Variants in GLIPR2 observed in about 807,000 individuals in gnomAD.
GLIPR2 encodes the protein GLI pathogenesis related 2.
In GLIPR2, 21 loss-of-function variants were observed where a neutral mutation model predicts 20.4. The observed-to-expected ratio is 1.03, with a 90% CI of 0.73 to 1.48. The LOEUF is 1.48. GLIPR2 is among the 40% of genes most tolerant of loss of function. GLIPR2 has a pLI of 0.00. For synonymous variants in GLIPR2, 91 were observed against 80.5 expected, an observed-to-expected ratio of 1.13 and a Z score of -0.70; for missense variants, 205 against 200.1, an observed-to-expected ratio of 1.02 and a Z score of -0.15.
At chr9:36,160,064 G>A (rs1157404369) in intron 4 of GLIPR2, among the ~76,000 whole-genome samples, 1 of 152,192 alleles carries the variant, frequency 6.6e-6, no homozygotes, top group Non-Finnish European at 1.5e-5. Flanking sequence ...GTCATCAGAA[G>A]GGTGTCTTGG....
At chr9:36,139,636 CT>C (rs1402495731) in intron 1 of GLIPR2, among the ~76,000 whole-genome samples, 1 of 152,194 alleles carries the variant, frequency 6.6e-6, no homozygotes, top group Admixed American at 6.5e-5. Context: ...GTCCCTGCCC[CT>C]TCTGGGCCTC....
rs1824845160 is a variant in GLIPR2, at chr9:36,136,917, C to G, written c.13+126C>G. ...GGGAGCCCGGGGTGCGGGTGGAGGG[C>G]GCGCGGGCGGAGCGCCCCGGCGCGG... On this transcript the variant is annotated intron_variant, in intron 1 of 4. Coordinates refer to ENST00000377960, the MANE Select transcript of GLIPR2 (RefSeq NM_022343.4). The surrounding 1 kb of genome is among the most constrained non-coding windows in gnomAD (Gnocchi z 4.3). The G allele has an allele frequency of 4.4e-6, 5 of 1,123,698 alleles. No individual in the cohort carries two copies. In the South Asian group the frequency reaches 2.2e-4, roughly 49 times the overall value. 69.6% of individuals were successfully genotyped at this position (1,123,698 alleles called of 1,614,324 possible).
At chr9:36,147,507 C>T (rs1825380099) in intron 1 of GLIPR2, among the ~76,000 whole-genome samples, 2 of 152,232 alleles carry the variant, frequency 1.3e-5, no homozygotes, top group African/African-American at 4.8e-5. Flanking sequence ...TCAGTGGCTT[C>T]CCATTGCCTT....
At chr9:36,156,385 TAAAAAAAA>T (rs58467311) in intron 4 of GLIPR2, among the ~76,000 whole-genome samples, 17 of 77,744 alleles carry the variant, frequency 2.2e-4, no homozygotes, top group East Asian at 4.5e-4. Flanking sequence ...AAGCCATGTC[TAAAAAAAA>T]AAAAAAAAAA....
At chr9:36,148,264 T>TG (rs1328635354) in intron 2 of GLIPR2, among the ~76,000 whole-genome samples, 1 of 149,208 alleles carries the variant, frequency 6.7e-6, no homozygotes, top group African/African-American at 2.5e-5. Flanking sequence ...AAAAAAACGT[T>TG]GGGGGGCCCT....
chr9:36,159,112 T>C (rs1260287357), intron 4 of GLIPR2, among the ~76,000 whole-genome samples: 1 of 152,150 alleles, frequency 6.6e-6, no homozygotes, highest in African/African-American at 2.4e-5. Context: ...CATTACAGCA[T>C]CAACTCTTTG....
chr9:36,142,926 G>A (rs1341282545), intron 1 of GLIPR2, among the ~76,000 whole-genome samples: 2 of 151,880 alleles, frequency 1.3e-5, no homozygotes, highest in African/African-American at 4.8e-5. Flanking sequence ...GGAGTGGGGA[G>A]AGAGGACTCC....
chr9:36,136,703 G>T (rs1048231969), upstream of GLIPR2: 3 of 1,078,936 alleles, frequency 2.8e-6, no homozygotes, highest in African/African-American at 4.9e-5. This position sits in a 1 kb window ranked among gnomAD's most constrained non-coding sequence, Gnocchi z 4.3. Context: ...CCCGGTCCTG[G>T]GCTCTGGGGC....
chr9:36,154,413 C>T (rs975933522), intron 4 of GLIPR2, among the ~76,000 whole-genome samples: 2 of 152,132 alleles, frequency 1.3e-5, no homozygotes, highest in East Asian at 1.9e-4. Flanking sequence ...CTTTTCCGCA[C>T]GCTGGTGTCA....
intron 4 of GLIPR2, among the ~76,000 whole-genome samples, chr9:36,153,727 C>G (rs993655748): frequency 6.6e-6 from 1 of 151,918 alleles, no homozygotes; most frequent in African/African-American, 2.4e-5. Context: ...ATGGTGAAAC[C>G]CCGTCTCTAC....
intron 4 of GLIPR2, among the ~76,000 whole-genome samples, chr9:36,154,100 T>TCC (rs1210694474): frequency 2.6e-5 from 3 of 113,470 alleles, no homozygotes; most frequent in South Asian, 2.9e-4. Flanking sequence ...TATATATCTT[T>TCC]TCCCCCCCCC....
At chr9:36,157,078 G>A (rs1024041031) in intron 4 of GLIPR2, among the ~76,000 whole-genome samples, 74 of 151,818 alleles carry the variant, frequency 4.9e-4, no homozygotes, top group African/African-American at 1.2e-3. Context: ...GTGCAATGGC[G>A]TGATCTTGGC....
At chr9:36,141,932 C>T (rs1825107507) in intron 1 of GLIPR2, 1 of 452,638 alleles carries the variant, frequency 2.2e-6, no homozygotes, top group Non-Finnish European at 4.4e-6. Flanking sequence ...GACACCTATA[C>T]CCTCCACCCC....
chr9:36,148,666 A>G lies in GLIPR2; in HGVS notation c.226+16A>G. 6.5e-7 allele frequency: 1 copy of G among 1,545,716 alleles called. No individual in the cohort carries two copies. The highest frequency in any genetic ancestry group is 8.9e-7 in the Non-Finnish European group (1 of 1,119,490). ...GATCAGACAGGTGGGTCGCATTTTC[A>G]GCTCCTCTCCTCTCTGCGGGAGCTG... On this transcript the variant is annotated intron_variant, in intron 3 of 4. Transcript: ENST00000377960.
Position 36,158,532 on chromosome 9 carries a change from T to C in GLIPR2, c.305-3830T>C, listed in dbSNP as rs564700445. 3.3e-5 allele frequency among the ~76,000 whole-genome samples: 5 copies of C among 152,290 alleles called. No individual in the cohort carries two copies. The South Asian group carries it at 1.0e-3, about 32-fold the overall frequency. On this transcript the variant is annotated intron_variant, in intron 4 of 4. Transcript: ENST00000377960. ...CATCAAATGTTTATTGAGCATCTAC[T>C]ATGTGCCAGGCCCAGTGCTAAACAC...
chr9:36,137,736 A>G (rs998020157), intron 1 of GLIPR2, among the ~76,000 whole-genome samples: 2 of 152,226 alleles, frequency 1.3e-5, no homozygotes, highest in African/African-American at 4.8e-5. Context: ...TCTGCCTCAC[A>G]GGAGGCTCTT....
At chr9:36,143,176 G>A (rs116467961) in intron 1 of GLIPR2, among the ~76,000 whole-genome samples, 1,621 of 152,150 alleles carry the variant, frequency 0.011, 30 homozygotes, top group African/African-American at 0.036. Flanking sequence ...CAGCACTATG[G>A]GATCCAGTGC....
intron 4 of GLIPR2, among the ~76,000 whole-genome samples, chr9:36,159,476 G>T (rs897752836): frequency 2.6e-5 from 4 of 152,144 alleles, no homozygotes; most frequent in Non-Finnish European, 5.9e-5. Context: ...CATGTGCCAG[G>T]CTATGCCAAG....
chr9:36,163,009 G>A lies in GLIPR2; in HGVS notation c.*487G>A. On this transcript the variant is annotated 3_prime_UTR_variant, in exon 5 of 5. Coordinates refer to ENST00000377960, the MANE Select transcript of GLIPR2 (RefSeq NM_022343.4). Reference sequence around the variant, plus strand: ...ACAGCTTTAAGCACATAAATACAAAGCAGCTTCCATCAGGAACATGGAGCA... The same window carrying A: ...ACAGCTTTAAGCACATAAATACAAAACAGCTTCCATCAGGAACATGGAGCA... The A allele has an allele frequency of 4.8e-6, 2 of 414,122 alleles. No homozygotes were observed. Among genetic ancestry groups the A allele is most frequent in the South Asian group, 3.5e-5 (2 of 57,442 alleles). 25.7% of individuals were successfully genotyped at this position (414,122 alleles called of 1,614,324 possible).
Sources: gnomAD v4.1 joint callset for allele counts (sites outside exome capture counted in the v4.1 genomes callset) on GRCh38, gnomAD v4.1.1 for gene constraint, Gnocchi (gnomAD v3.1) non-coding constraint, MANE v1.5 for transcripts, NCBI Gene and HGNC (gene_info 2026-07-23, HGNC 2026-07-21) for gene names.